The following BRWD3 variants were observed in gnomAD, a reference collection of about 807,000 sequenced individuals.
BRWD3 encodes bromodomain and WD repeat domain containing 3, also known as bromodomain and WD repeat-containing protein 3.
Under a neutral mutation model 149.7 loss-of-function variants are expected in BRWD3, and 10 were observed. The observed-to-expected ratio is 0.07, with a 90% CI of 0.04 to 0.11. The LOEUF is 0.11. BRWD3 is among the 10% of genes least tolerant of loss of function. The pLI is 1.00. For synonymous variants in BRWD3, 504 were observed against 456.7 expected, an observed-to-expected ratio of 1.10 and a Z score of -1.32; for missense variants, 940 against 1,373.2, an observed-to-expected ratio of 0.68 and a Z score of 4.99.
rs1162652375 is a variant in BRWD3, at chrX:80,751,883, G to A, written c.431-6154C>T. On this transcript the variant is annotated intron_variant, in intron 6 of 40. Coordinates refer to ENST00000373275, the MANE Select transcript of BRWD3 (RefSeq NM_153252.5). ...AATGACCTCCAGTTCCATCCGTATT[G>A]CTGCAAATAACATGACTTCATTTTT... Among the ~76,000 whole-genome samples the A allele has an allele frequency of 3.6e-5, 4 of 109,962 alleles. 1 individual carries two copies. In the Admixed American group the frequency reaches 3.9e-4, roughly 11 times the overall value.
At chrX:80,783,878 A>G (rs2074082011) in intron 6 of BRWD3, among the ~76,000 whole-genome samples, 1 of 111,609 alleles carries the variant, frequency 9.0e-6, no homozygotes, top group African/African-American at 3.3e-5. Flanking sequence ...AATTAAAACA[A>G]TTAAACTCAT....
intron 6 of BRWD3, among the ~76,000 whole-genome samples, chrX:80,763,319 T>C (rs1054179262): frequency 8.1e-4 from 91 of 111,754 alleles, no homozygotes; most frequent in Non-Finnish European, 8.5e-4. Flanking sequence ...GCTGCTTTTA[T>C]AGCAGCTTTT....
Position 80,698,708 on chromosome X carries a change from T to TAA in BRWD3, c.2943+1247_2943+1248dup, listed in dbSNP as rs5902803. Among the ~76,000 whole-genome samples, 136 of 94,758 alleles carry TAA rather than the reference T, an allele frequency of 1.4e-3. No homozygotes were observed. In the Middle Eastern group the frequency reaches 0.016, roughly 11 times the overall value. 82.3% of individuals were successfully genotyped at this position (94,758 alleles called of 115,157 possible). A position where few individuals can be genotyped will look rare whatever the true frequency, so the allele number is the denominator to read the frequency against. ...TGGGTGACAGAGCGAGACTCTGTCT[T>TAA]AAAAAAAAAAAAAGAGTAAGAAATC... On this transcript the variant is annotated intron_variant, in intron 25 of 40. Transcript: ENST00000373275.
At chrX:80,712,834 A>G (rs1317065399) in intron 20 of BRWD3, among the ~76,000 whole-genome samples, 8 of 97,569 alleles carry the variant, frequency 8.2e-5, no homozygotes, top group African/African-American at 2.7e-4. Flanking sequence ...GTCTCTGCCC[A>G]GCCGCCCCGT....
At chrX:80,685,195 G>GT (rs1269873965) in intron 36 of BRWD3, among the ~76,000 whole-genome samples, 2 of 111,249 alleles carry the variant, frequency 1.8e-5, no homozygotes, top group East Asian at 5.6e-4. Context: ...ATTATATTGT[G>GT]TAATTGATGT....
At chrX:80,726,061 C>CAT (rs1602357665) in intron 14 of BRWD3, among the ~76,000 whole-genome samples, 4 of 35,847 alleles carry the variant, frequency 1.1e-4, no homozygotes, top group Admixed American at 8.1e-4. Context: ...CTATATAACA[C>CAT]AACATGTTTA....
rs187384754 is a variant in BRWD3, at chrX:80,745,587, G to A, written c.573C>T (p.Ser191=). 119 of 1,206,455 alleles carry A rather than the reference G, an allele frequency of 9.9e-5. No individual in the cohort carries two copies. The highest frequency in any genetic ancestry group is 4.6e-4 in the Middle Eastern group (2 of 4,344). ...CACTCACTGTAAAAATTCTTCTCCC[G>A]CTTCGGTCAAATGCTACACAGTAGA... ...SSVYCVAFDR[S]GRRIFTGSDD... is the part of the protein sequence containing the mutation. The change falls in exon 7 of 41, where the codon AGC becomes AGT. Residue 191 remains serine, a synonymous_variant. Transcript: ENST00000373275.
chrX:80,808,524 G>GA lies in BRWD3; in HGVS notation c.180+14dup. On this transcript the variant is annotated intron_variant, in intron 4 of 40. Transcript: ENST00000373275. ...TGAAAGAGTTAGGTTAAGTTGAAAT[G>GA]AAAACTTTACTCACCAGATCCTCGA... 1 of 1,202,544 alleles carries GA rather than the reference G, an allele frequency of 8.3e-7. No homozygotes were observed. The highest frequency in any genetic ancestry group is 1.1e-6 in the Non-Finnish European group (1 of 889,246).
intron 6 of BRWD3, among the ~76,000 whole-genome samples, chrX:80,749,226 T>C (rs1258416656): frequency 1.8e-5 from 2 of 111,933 alleles, no homozygotes; most frequent in East Asian, 5.6e-4. Context: ...TGTTTCCTTA[T>C]TGATTTTCTG....
intron 4 of BRWD3, among the ~76,000 whole-genome samples, chrX:80,796,269 T>C (rs1460997020): frequency 1.8e-5 from 2 of 110,270 alleles, no homozygotes; most frequent in East Asian, 5.7e-4. Context: ...TAGCTGGGAT[T>C]AGAGGCACAA....
chrX:80,728,500 T>C (rs1435334907), intron 14 of BRWD3, among the ~76,000 whole-genome samples: 1 of 111,624 alleles, frequency 9.0e-6, no homozygotes, highest in Non-Finnish European at 1.9e-5. Context: ...GTCCTCATTG[T>C]ATACAATAAC....
chrX:80,731,819 C>T lies in BRWD3; in HGVS notation c.1127+1637G>A, dbSNP rs747335848. On this transcript the variant is annotated intron_variant, in intron 12 of 40. Coordinates refer to ENST00000373275, the MANE Select transcript of BRWD3 (RefSeq NM_153252.5). ...CTGAGGCAGGAGAATGGCGTGAACC[C>T]GGGAGGCGGAGCTTGCAGTGAGCCG... is the stretch of plus-strand genomic sequence containing the variant. Among the ~76,000 whole-genome samples, 12 of 98,933 alleles carry T rather than the reference C, an allele frequency of 1.2e-4. No homozygotes were observed. In the East Asian group the frequency reaches 2.3e-3, roughly 19 times the overall value. The allele number at this position is 98,933 out of a possible 115,157, so 85.9% of individuals were successfully genotyped here.
At chrX:80,726,660 T>A (rs1316397927) in intron 14 of BRWD3, among the ~76,000 whole-genome samples, 1 of 110,345 alleles carries the variant, frequency 9.1e-6, no homozygotes, top group Non-Finnish European at 1.9e-5. Context: ...AATCATGCTA[T>A]TAAAAAAAAT....
chrX:80,786,306 T>G (rs1052413837), intron 6 of BRWD3, among the ~76,000 whole-genome samples: 1 of 111,144 alleles, frequency 9.0e-6, no homozygotes, highest in Non-Finnish European at 1.9e-5. Flanking sequence ...CCCTGAAAAA[T>G]TACTGATATA....
intron 20 of BRWD3, among the ~76,000 whole-genome samples, chrX:80,712,980 C>A (rs865810416): frequency 1.8e-5 from 2 of 108,479 alleles, no homozygotes; most frequent in African/African-American, 6.8e-5. Flanking sequence ...AAGTGAGGAG[C>A]GTCTCCGCCC....
At chrX:80,753,289 T>TA (rs1301676604) in intron 6 of BRWD3, among the ~76,000 whole-genome samples, 1 of 99,991 alleles carries the variant, frequency 1.0e-5, no homozygotes, top group Non-Finnish European at 2.0e-5. Context: ...TTTTTTTTTT[T>TA]AGATGGAGTT....
intron 4 of BRWD3, among the ~76,000 whole-genome samples, chrX:80,808,338 G>C (rs913624362): frequency 6.4e-5 from 7 of 108,917 alleles, no homozygotes; most frequent in Non-Finnish European, 1.1e-4. Context: ...CAAAGTTTTC[G>C]GGTGGAAACA....
At chrX:80,694,981 C>T (rs2072663475) in intron 27 of BRWD3, among the ~76,000 whole-genome samples, 1 of 110,865 alleles carries the variant, frequency 9.0e-6, no homozygotes, top group Admixed American at 9.7e-5. Context: ...GCTCTGTGTC[C>T]CCACCATAAT....
chrX:80,788,751 G>A (rs1321907798), intron 6 of BRWD3, among the ~76,000 whole-genome samples: 1 of 111,967 alleles, frequency 8.9e-6, no homozygotes, highest in Non-Finnish European at 1.9e-5. Flanking sequence ...AGAATGGAAT[G>A]CTACTTGGTA....
Sources: allele counts gnomAD v4.1 joint callset (sites outside exome capture counted in the v4.1 genomes callset), GRCh38; gene constraint gnomAD v4.1.1; transcripts MANE v1.5; gene names NCBI Gene and HGNC (gene_info 2026-07-23, HGNC 2026-07-21).